Variants in ASIP observed in about 807,000 individuals in gnomAD.
ASIP encodes the protein agouti signaling protein.
Under a neutral mutation model 10.3 loss-of-function variants are expected in ASIP, and 11 were observed. The observed-to-expected ratio is 1.07, with a 90% CI of 0.68 to 1.78. The LOEUF (loss-of-function observed/expected upper bound fraction) is 1.78. Ranked by LOEUF, ASIP falls within the 40% of genes most tolerant of loss-of-function variation. ASIP has a pLI of 0.00. For synonymous variants in ASIP, 70 were observed against 70.8 expected (o/e 0.99, Z 0.06); for missense variants, 180 against 169.2 (o/e 1.06, Z -0.35).
intron 3 of ASIP, among the ~76,000 whole-genome samples, chr20:34,265,078 A>G (rs761476200): frequency 4.6e-5 from 7 of 152,154 alleles, no homozygotes; most frequent in Admixed American, 1.3e-4. Context: ...TACCTGCATT[A>G]GCCACCATGC....
At chr20:34,218,574 C>T (rs2035024581) in intron 1 of ASIP, among the ~76,000 whole-genome samples, 1 of 152,182 alleles carries the variant, frequency 6.6e-6, no homozygotes, top group African/African-American at 2.4e-5. Flanking sequence ...TATCTGCTCA[C>T]CCACCCTAGC....
chr20:34,269,301 A>C lies in ASIP; in HGVS notation c.*134A>C. The C allele has an allele frequency of 8.6e-7, 1 of 1,165,000 alleles. No individual in the cohort carries two copies. The highest frequency in any genetic ancestry group is 2.9e-5 in the East Asian group (1 of 34,880). The allele number at this position is 1,165,000 out of a possible 1,614,324, so 72.2% of individuals were successfully genotyped here. A position where few individuals can be genotyped will look rare whatever the true frequency, so the allele number is the denominator to read the frequency against. On this transcript the variant is annotated 3_prime_UTR_variant, in exon 4 of 4. Coordinates refer to ENST00000374954, the MANE Select transcript of ASIP (RefSeq NM_001672.3). The stretch of plus-strand genomic sequence containing the variant: ...TTCCAGGAGATGGGACTTCAGGGAG[A>C]CCTGGCTTGGGCTAAAATCGAAATA...
chr20:34,264,644 T>C (rs1355723264), intron 3 of ASIP, among the ~76,000 whole-genome samples: 1 of 152,116 alleles, frequency 6.6e-6, no homozygotes, highest in Non-Finnish European at 1.5e-5. Context: ...AGACAATACA[T>C]CTTGTAAACA....
At chr20:34,189,583 C>T (rs1455648296), upstream of ASIP, among the ~76,000 whole-genome samples, 3 of 152,068 alleles carry the variant, frequency 2.0e-5, no homozygotes, top group Non-Finnish European at 2.9e-5. Context: ...AGAAGCCACA[C>T]GGATGAACAG....
chr20:34,234,276 T>A (rs556547796), intron 1 of ASIP, among the ~76,000 whole-genome samples: 9 of 152,302 alleles, frequency 5.9e-5, no homozygotes, highest in African/African-American at 1.9e-4. Context: ...AATCTGCCAG[T>A]CTGTAATCTT....
upstream of ASIP, among the ~76,000 whole-genome samples, chr20:34,191,304 C>G (rs182471391): frequency 6.6e-6 from 1 of 152,180 alleles, no homozygotes; most frequent in South Asian, 2.1e-4. Flanking sequence ...GATGAGGGTG[C>G]CTGTCACCCC....
In ASIP at chr20:34,212,004, C is replaced by G. The variant is rs1483259585; in HGVS notation, c.-11+17244C>G. On this transcript the variant is annotated intron_variant, in intron 1 of 3. Coordinates refer to the ASIP transcript ENST00000568305. Reference sequence around the variant, plus strand: ...ATATTGCTTGTGTCCCATTTTCTCTCTCTTATCCTTCTAAGATTATAACTG... The same window carrying G: ...ATATTGCTTGTGTCCCATTTTCTCTGTCTTATCCTTCTAAGATTATAACTG... Among the ~76,000 whole-genome samples, 3 of 152,290 alleles carry G rather than the reference C, an allele frequency of 2.0e-5. No individual in the cohort carries two copies. In the East Asian group the frequency reaches 5.8e-4, roughly 29 times the overall value.
Position 34,260,302 on chromosome 20 carries a change from C to T in ASIP, c.-10-63C>T, listed in dbSNP as rs563086197. On this transcript the variant is annotated intron_variant, in intron 1 of 3. Coordinates refer to ENST00000374954, the MANE Select transcript of ASIP (RefSeq NM_001672.3). ...CCAGCCCAAAGAAGCACAAAGAAAG[C>T]AGGAAGGCCTCTTACCATTACCCCT... 8.1e-4 allele frequency: 1,206 copies of T among 1,486,580 alleles called. 2 individuals are homozygous for T. Among genetic ancestry groups the T allele is most frequent in the Middle Eastern group, 1.5e-3 (7 of 4,692 alleles). 92.1% of individuals were successfully genotyped at this position (1,486,580 alleles called of 1,614,324 possible). A position where few individuals can be genotyped will look rare whatever the true frequency, so the allele number is the denominator to read the frequency against.
intron 1 of ASIP, among the ~76,000 whole-genome samples, chr20:34,206,205 C>T (rs998762595): frequency 2.6e-5 from 4 of 152,134 alleles, no homozygotes; most frequent in East Asian, 1.9e-4. Flanking sequence ...CTATGTTGGC[C>T]GGACTGGTCT....
At chr20:34,252,779 A>G (rs1044906499) in intron 1 of ASIP, among the ~76,000 whole-genome samples, 2 of 152,164 alleles carry the variant, frequency 1.3e-5, no homozygotes, top group African/African-American at 4.8e-5. Context: ...GAAACCTTGG[A>G]CAATACCCAG....
chr20:34,247,575 G>T (rs905506105), intron 1 of ASIP, among the ~76,000 whole-genome samples: 1 of 151,872 alleles, frequency 6.6e-6, no homozygotes, highest in Non-Finnish European at 1.5e-5. Context: ...AGGACTACAG[G>T]CATGAGTCAC....
intron 1 of ASIP, among the ~76,000 whole-genome samples, chr20:34,218,767 A>G (rs529929694): frequency 6.6e-5 from 10 of 151,536 alleles, no homozygotes; most frequent in Admixed American, 1.3e-4. Flanking sequence ...GGTTCATGCC[A>G]TTCTCCTGCC....
At chr20:34,253,095 ATCTC>A (rs1370680224) in intron 1 of ASIP, among the ~76,000 whole-genome samples, 2 of 151,674 alleles carry the variant, frequency 1.3e-5, no homozygotes, top group Non-Finnish European at 2.9e-5. Context: ...TAACAACCTG[ATCTC>A]TCTTTCTTTT....
At chr20:34,223,782 GAAA>G (rs1231564217) in intron 1 of ASIP, among the ~76,000 whole-genome samples, 2 of 133,970 alleles carry the variant, frequency 1.5e-5, no homozygotes, top group East Asian at 4.4e-4. Context: ...AGAAAGGCGG[GAAA>G]GGTGGGGAAA....
intron 1 of ASIP, among the ~76,000 whole-genome samples, chr20:34,258,827 TA>T (rs1175125758): frequency 4.1e-5 from 5 of 121,542 alleles, no homozygotes; most frequent in African/African-American, 1.5e-4. Flanking sequence ...ATACTATATA[TA>T]GTATTATATA....
At chr20:34,222,896 C>A (rs1477306028) in intron 1 of ASIP, among the ~76,000 whole-genome samples, 2 of 152,112 alleles carry the variant, frequency 1.3e-5, no homozygotes, top group Admixed American at 1.3e-4. Context: ...TCCCGAGGTG[C>A]CGGGATTGCA....
intron 1 of ASIP, among the ~76,000 whole-genome samples, chr20:34,235,844 G>GAAAGAAAGAAA (rs1568756042): frequency 3.8e-3 from 98 of 25,960 alleles, no homozygotes; most frequent in East Asian, 7.4e-3. Context: ...AAAGAAAGAA[G>GAAAGAAAGAAA]GAAGGAAGGA....
chr20:34,215,996 CCTGAA>C, intron 1 of ASIP: 2 of 719,192 alleles, frequency 2.8e-6, no homozygotes, highest in Admixed American at 3.6e-5. Flanking sequence ...CGCCTCCCAG[CCTGAA>C]CTCCATGGTC....
Position 34,235,910 on chromosome 20 carries a change from G to GCGGGAGGGAGGGAA in ASIP, c.-10-24455_-10-24454insCGGGAGGGAGGGAA, listed in dbSNP as rs2035194873. ...GGAAGGAAGGAAGGAAAGGAAGGAA[G>GCGGGAGGGAGGGAA]GAAGGAAGGAAGGAAGGAAGCGGGA... is the stretch of plus-strand genomic sequence containing the variant. On this transcript the variant is annotated intron_variant, in intron 1 of 3. Transcript: ENST00000568305. Among the ~76,000 whole-genome samples, 8 of 109,364 alleles carry GCGGGAGGGAGGGAA rather than the reference G, an allele frequency of 7.3e-5. No individual in the cohort carries two copies. In the African/African-American group the frequency reaches 7.4e-4, roughly 10 times the overall value. The allele number at this position is 109,364 out of a possible 152,430, so 71.7% of individuals were successfully genotyped here.
Sources: allele counts gnomAD v4.1 joint callset (sites outside exome capture counted in the v4.1 genomes callset), GRCh38; gene constraint gnomAD v4.1.1; transcripts MANE v1.5; gene names NCBI Gene and HGNC (gene_info 2026-07-23, HGNC 2026-07-21).